B3GLCT: variants seen among roughly 807,000 people sequenced by gnomAD.
B3GLCT encodes the protein beta-1,3-glucosyltransferase.
A neutral mutation model predicts 63.4 loss-of-function variants in B3GLCT; 65 were observed. That is an observed-to-expected ratio of 1.03 (90% confidence interval 0.84 to 1.26). B3GLCT has a LOEUF of 1.26. Ranked by LOEUF, B3GLCT falls within the 50% of genes most tolerant of loss-of-function variation. The pLI, the probability that B3GLCT is intolerant of heterozygous loss-of-function variation, is 0.00. For missense variants in B3GLCT, 577 were observed against 604.8 expected (o/e 0.95, Z 0.48); for synonymous variants, 233 against 219.2 (o/e 1.06, Z -0.55).
chr13:31,289,692 C>A (rs1258239797), intron 12 of B3GLCT, among the ~76,000 whole-genome samples: 3 of 152,014 alleles, frequency 2.0e-5, no homozygotes, highest in Non-Finnish European at 4.4e-5. Flanking sequence ...GGGAAATAAT[C>A]TTTCCCAGAC....
chr13:31,225,301 G>T (rs1193109834), intron 3 of B3GLCT, among the ~76,000 whole-genome samples: 1 of 152,184 alleles, frequency 6.6e-6, no homozygotes, highest in Non-Finnish European at 1.5e-5. Flanking sequence ...GTCTTATTTA[G>T]CTCTGTGGAC....
rs7322949 is a variant in B3GLCT at position 31,327,625 on chromosome 13, G to A, written c.1330-1876G>A. ...GATCATTGTGGAATTATCTTCTAAC[G>A]GAATTGAGAGGATGTTTCTCCTTGG... On this transcript the variant is annotated intron_variant, in intron 14 of 14. Transcript: ENST00000343307. 6.0e-3 allele frequency among the ~76,000 whole-genome samples: 906 copies of A among 152,254 alleles called. 11 individuals are homozygous for A. The highest frequency in any genetic ancestry group is 0.021 in the African/African-American group (876 of 41,546).
At chr13:31,235,050 A>G (rs1441790440) in intron 4 of B3GLCT, among the ~76,000 whole-genome samples, 1 of 152,024 alleles carries the variant, frequency 6.6e-6, no homozygotes, top group African/African-American at 2.4e-5. Flanking sequence ...CAGCAGTTTG[A>G]GAAGCCCTGG....
At chr13:31,297,586 C>G (rs776121847) in intron 12 of B3GLCT, among the ~76,000 whole-genome samples, 12 of 152,094 alleles carry the variant, frequency 7.9e-5, no homozygotes, top group Non-Finnish European at 1.5e-4. Flanking sequence ...ATCAGTTCTG[C>G]AGTGGACACC....
chr13:31,218,276 G>A (rs951783823), intron 2 of B3GLCT, among the ~76,000 whole-genome samples: 16 of 144,508 alleles, frequency 1.1e-4, no homozygotes, highest in East Asian at 2.1e-4. Flanking sequence ...TACAACCTCC[G>A]CCTCCTGGAT....
At chr13:31,324,128 C>T (rs773383045) in intron 14 of B3GLCT, among the ~76,000 whole-genome samples, 4 of 152,150 alleles carry the variant, frequency 2.6e-5, no homozygotes, top group Non-Finnish European at 4.4e-5. Flanking sequence ...TGGCGTTTGA[C>T]CAGGATCCTC....
intron 2 of B3GLCT, among the ~76,000 whole-genome samples, chr13:31,218,899 C>T (rs890027818): frequency 2.7e-5 from 4 of 148,788 alleles, no homozygotes; most frequent in Admixed American, 1.3e-4. Flanking sequence ...TAGTTTTTAA[C>T]ATGAAAGGAT....
At chr13:31,221,007 C>T (rs1013200025) in intron 2 of B3GLCT, among the ~76,000 whole-genome samples, 2 of 152,100 alleles carry the variant, frequency 1.3e-5, no homozygotes, top group Non-Finnish European at 2.9e-5. Context: ...GCATGCTTCC[C>T]GAGGAAGGCT....
intron 6 of B3GLCT, among the ~76,000 whole-genome samples, chr13:31,250,020 T>C (rs913927817): frequency 6.6e-6 from 1 of 152,244 alleles, no homozygotes; most frequent in Non-Finnish European, 1.5e-5. Flanking sequence ...ATATTTTAAA[T>C]GTAAAACTTT....
At chr13:31,200,237 G>A (rs930695158) in intron 1 of B3GLCT, 83 bp downstream of exon 1, 7 of 864,580 alleles carry the variant, frequency 8.1e-6, no homozygotes, top group East Asian at 6.6e-5. Context: ...GGCGCGGGGA[G>A]GGAGGCGCAG....
intron 12 of B3GLCT, among the ~76,000 whole-genome samples, chr13:31,316,506 G>A (rs1331901896): frequency 3.4e-5 from 5 of 146,676 alleles, no homozygotes; most frequent in South Asian, 2.1e-4. Context: ...TTGACTCACC[G>A]CATTTGGAGG....
At chr13:31,204,954 G>A (rs1160813303) in intron 1 of B3GLCT, among the ~76,000 whole-genome samples, 1 of 152,164 alleles carries the variant, frequency 6.6e-6, no homozygotes, top group Admixed American at 6.5e-5. Flanking sequence ...GTTTTATGTG[G>A]TTCAATGTAC....
rs979528386 is a variant in B3GLCT, at chr13:31,265,769, C to T, written c.597-3445C>T. Reference sequence around the variant, plus strand: ...TTGTTTTTCCACCAGCAAACCTTATCGAGATTTCCTTCAGCAGGTGGCTCT... The same window carrying T: ...TTGTTTTTCCACCAGCAAACCTTATTGAGATTTCCTTCAGCAGGTGGCTCT... On this transcript the variant is annotated intron_variant, in intron 7 of 14. Coordinates refer to ENST00000343307, the MANE Select transcript of B3GLCT (RefSeq NM_194318.4). Among the ~76,000 whole-genome samples, 7 of 152,262 alleles carry T rather than the reference C, an allele frequency of 4.6e-5. No individual in the cohort carries two copies. In the East Asian group the frequency reaches 7.7e-4, roughly 17 times the overall value.
rs926452462 is a variant in B3GLCT, at chr13:31,286,839, C to G, written c.1064+20C>G. ...AATAAGGTAAGGAGTCATTCTCATC[C>G]TAAATGGCTTTAAATTCTACATATA... On this transcript the variant is annotated intron_variant, in intron 12 of 14. Coordinates refer to ENST00000343307, the MANE Select transcript of B3GLCT (RefSeq NM_194318.4). 6.6e-7 allele frequency: 1 copy of G among 1,519,706 alleles called. No homozygotes were observed. The highest frequency in any genetic ancestry group is 1.4e-5 in the African/African-American group (1 of 72,980). The allele number at this position is 1,519,706 out of a possible 1,614,324, so 94.1% of individuals were successfully genotyped here.
Position 31,287,141 on chromosome 13 carries a change from C to T in B3GLCT, c.1064+322C>T, listed in dbSNP as rs549926376. Among the ~76,000 whole-genome samples the T allele has an allele frequency of 2.1e-3, 314 of 152,080 alleles. 1 individual carries two copies. The highest frequency in any genetic ancestry group is 6.4e-3 in the African/African-American group (266 of 41,490). Reference sequence around the variant, plus strand: ...GATGGAACCTGACAGACTCTGTGGGCGGAAAAGATGGAGCTGAGAGTCTCA... The same window carrying T: ...GATGGAACCTGACAGACTCTGTGGGTGGAAAAGATGGAGCTGAGAGTCTCA... On this transcript the variant is annotated intron_variant, in intron 12 of 14. Transcript: ENST00000343307.
At chr13:31,298,846 G>T (rs766246975) in intron 12 of B3GLCT, among the ~76,000 whole-genome samples, 1 of 152,186 alleles carries the variant, frequency 6.6e-6, no homozygotes, top group Non-Finnish European at 1.5e-5. Context: ...TTTGCTAAGC[G>T]GGGTGAAGGA....
chr13:31,288,893 A>G (rs114773821), intron 12 of B3GLCT, among the ~76,000 whole-genome samples: 4,111 of 152,236 alleles, frequency 0.027, 193 homozygotes, highest in African/African-American at 0.094. Flanking sequence ...ACAGATCCCA[A>G]TCAGTAAGAA....
intron 3 of B3GLCT, among the ~76,000 whole-genome samples, chr13:31,226,179 C>A (rs927805349): frequency 1.3e-5 from 2 of 152,212 alleles, no homozygotes; most frequent in Non-Finnish European, 2.9e-5. Flanking sequence ...GTGCCCTGTG[C>A]TCAGTTAGCT....
chr13:31,262,383 C>T (rs948728756), intron 7 of B3GLCT, among the ~76,000 whole-genome samples: 4 of 152,362 alleles, frequency 2.6e-5, no homozygotes, highest in South Asian at 2.1e-4. Context: ...GCCCATCTCC[C>T]GGCCCCTGCC....
Sources: allele counts gnomAD v4.1 joint callset (sites outside exome capture counted in the v4.1 genomes callset), GRCh38; gene constraint gnomAD v4.1.1; transcripts MANE v1.5; gene names NCBI Gene and HGNC (gene_info 2026-07-23, HGNC 2026-07-21).